DLGAP2: variants seen among roughly 807,000 people sequenced by gnomAD.
DLGAP2 encodes disks large-associated protein 2.
Under a neutral mutation model 100.3 loss-of-function variants are expected in DLGAP2, and 26 were observed. The ratio of observed to expected loss-of-function variants is 0.26; its 90% CI spans 0.19 to 0.36. The LOEUF (loss-of-function observed/expected upper bound fraction) is 0.36, where lower values mean the gene tolerates loss of function less well. DLGAP2 is among the 10% of genes least tolerant of loss of function. The probability of loss-of-function intolerance (pLI) is 1.00; values close to 1 mark genes in which losing one functional copy is unlikely to be tolerated. For missense variants in DLGAP2, 1,858 were observed against 1,453.2 expected, an observed-to-expected ratio of 1.28 and a Z score of -4.53; for synonymous variants, 886 against 630.1, an observed-to-expected ratio of 1.41 and a Z score of -6.08.
At chr8:1,343,830 G>A (rs547792300) in intron 3 of DLGAP2, among the ~76,000 whole-genome samples, 28 of 152,232 alleles carry the variant, frequency 1.8e-4, no homozygotes, top group Admixed American at 1.0e-3. Flanking sequence ...ACGTCCACCC[G>A]TGACAGAGCA....
Position 1,033,762 on chromosome 8 carries a change from C to T in DLGAP2, c.73+125796C>T, listed in dbSNP as rs372825216. ...GGTTCACACACTCATCCCGACCCCG[C>T]GTGTCACCGCGAGTGGGTTCACACG... On this transcript the variant is annotated intron_variant, in intron 2 of 14. Coordinates refer to ENST00000637795, the MANE Select transcript of DLGAP2 (RefSeq NM_001346810.2). 1.4e-3 allele frequency among the ~76,000 whole-genome samples: 216 copies of T among 149,890 alleles called. 4 individuals carry two copies. The East Asian group carries it at 0.033, about 23-fold the overall frequency.
chr8:1,427,581 G>A (rs995107091), intron 3 of DLGAP2, among the ~76,000 whole-genome samples: 3 of 152,122 alleles, frequency 2.0e-5, no homozygotes, highest in Non-Finnish European at 4.4e-5. Flanking sequence ...ATCCCCACAT[G>A]TCATGGAAAG....
At chr8:1,434,284 A>G (rs776025634) in intron 3 of DLGAP2, among the ~76,000 whole-genome samples, 1 of 152,072 alleles carries the variant, frequency 6.6e-6, no homozygotes. Flanking sequence ...GTCTGCAGAG[A>G]TGGGGTCCTT....
chr8:1,419,001 G>A (rs949081110), intron 3 of DLGAP2, among the ~76,000 whole-genome samples: 6 of 152,254 alleles, frequency 3.9e-5, no homozygotes, highest in South Asian at 2.1e-4. Flanking sequence ...ACAGCCGAAC[G>A]AAGGGGCACA....
At chr8:1,142,683 C>T (rs1434336247) in intron 2 of DLGAP2, among the ~76,000 whole-genome samples, 3 of 152,100 alleles carry the variant, frequency 2.0e-5, no homozygotes, top group Admixed American at 6.6e-5. Flanking sequence ...GCCGTTGGAA[C>T]GGCTTTGCTA....
chr8:1,025,137 TGTGTGC>T (rs1473859795), intron 2 of DLGAP2, among the ~76,000 whole-genome samples: 5 of 152,104 alleles, frequency 3.3e-5, no homozygotes, highest in African/African-American at 7.2e-5. Flanking sequence ...TGTGCATGTG[TGTGTGC>T]GTGTGTGTGT....
At chr8:1,553,552 T>C (rs1584920533) in intron 5 of DLGAP2, among the ~76,000 whole-genome samples, 5 of 152,300 alleles carry the variant, frequency 3.3e-5, no homozygotes, top group Middle Eastern at 6.8e-3. Context: ...GTTCACGTGT[T>C]GGAAGCAAAT....
chr8:998,272 C>T lies in DLGAP2; in HGVS notation c.73+90306C>T, dbSNP rs558531702. 2.7e-4 allele frequency among the ~76,000 whole-genome samples: 41 copies of T among 152,324 alleles called. No individual in the cohort carries two copies. The South Asian group carries it at 2.7e-3, about 10-fold the overall frequency. ...TGTGTCATGTCATACAACTCCTCAG[C>T]TCCTACAGAGGCTCATCTTTACTTT... is the stretch of plus-strand genomic sequence containing the variant. On this transcript the variant is annotated intron_variant, in intron 2 of 14. Coordinates refer to ENST00000637795, the MANE Select transcript of DLGAP2 (RefSeq NM_001346810.2).
chr8:778,241 A>T (rs1318323637), intron 1 of DLGAP2, among the ~76,000 whole-genome samples: 2 of 152,046 alleles, frequency 1.3e-5, no homozygotes, highest in Admixed American at 1.3e-4. Context: ...CTAGTTATAC[A>T]TTCTTCTAAA....
intron 3 of DLGAP2, among the ~76,000 whole-genome samples, chr8:1,291,054 A>C: frequency 6.6e-6 from 1 of 152,210 alleles, no homozygotes; most frequent in Non-Finnish European, 1.5e-5. Context: ...TAGGCACCAG[A>C]ATAGAACCTC....
At chr8:940,000 C>T (rs1052194437) in intron 2 of DLGAP2, among the ~76,000 whole-genome samples, 4 of 151,972 alleles carry the variant, frequency 2.6e-5, no homozygotes, top group East Asian at 1.9e-4. Context: ...TGAGAGAATC[C>T]GGGAATAGAA....
At chr8:1,304,460 C>T (rs1800442576) in intron 3 of DLGAP2, among the ~76,000 whole-genome samples, 1 of 152,174 alleles carries the variant, frequency 6.6e-6, no homozygotes, top group African/African-American at 2.4e-5. Flanking sequence ...GTACCAAAAA[C>T]AAACATTAAA....
chr8:1,608,919 G>A (rs1169240371), intron 6 of DLGAP2, among the ~76,000 whole-genome samples: 1 of 152,044 alleles, frequency 6.6e-6, no homozygotes, highest in Admixed American at 6.5e-5. Flanking sequence ...TCTGATTGGT[G>A]TACCTGAAAG....
intron 8 of DLGAP2, among the ~76,000 whole-genome samples, chr8:1,635,100 G>A (rs775877803): frequency 2.6e-5 from 4 of 152,104 alleles, no homozygotes; most frequent in Non-Finnish European, 2.9e-5. Context: ...CCCTTGTGAA[G>A]AAATAAAAGT....
chr8:1,653,544 A>C (rs1380373047), intron 8 of DLGAP2, among the ~76,000 whole-genome samples: 2 of 152,238 alleles, frequency 1.3e-5, no homozygotes, highest in East Asian at 3.9e-4. Flanking sequence ...CTTCAGTGCA[A>C]GGAGCCCTGA....
At chr8:1,476,297 T>C (rs973309719) in intron 3 of DLGAP2, among the ~76,000 whole-genome samples, 2 of 152,226 alleles carry the variant, frequency 1.3e-5, no homozygotes, top group Non-Finnish European at 2.9e-5. Context: ...AAGTCTTATT[T>C]ACACATACAT....
intron 2 of DLGAP2, among the ~76,000 whole-genome samples, chr8:1,151,565 C>G (rs894058694): frequency 6.6e-6 from 1 of 152,176 alleles, no homozygotes; most frequent in Non-Finnish European, 1.5e-5. Context: ...TCCGGTTGTT[C>G]TTTGCCTGGT....
intron 3 of DLGAP2, among the ~76,000 whole-genome samples, chr8:1,261,527 T>G (rs10866918): frequency 0.62 from 86,540 of 139,840 alleles, 26,787 homozygotes; most frequent in Admixed American, 0.69. Context: ...GAGCCCCGCA[T>G]AAGTCGGGGG....
intron 3 of DLGAP2, chr8:1,301,327 G>C (rs1342126781): frequency 1.3e-5 from 2 of 152,246 alleles, no homozygotes; most frequent in Admixed American, 1.3e-4. Flanking sequence ...CCTCTGCCTG[G>C]GCATCATGCT....
Sources: allele counts gnomAD v4.1 joint callset (sites outside exome capture counted in the v4.1 genomes callset), GRCh38; gene constraint gnomAD v4.1.1; transcripts MANE v1.5; gene names NCBI Gene and HGNC (gene_info 2026-07-23, HGNC 2026-07-21).